TMC5: variants seen among roughly 807,000 people sequenced by gnomAD.
TMC5 encodes the protein transmembrane channel like 5.
In TMC5, 86 loss-of-function variants were observed where a neutral mutation model predicts 110.5. The observed-to-expected ratio is 0.78, with a 90% CI of 0.65 to 0.93. The LOEUF is 0.93. Ranked by LOEUF, TMC5 falls within the 40% of genes least tolerant of loss-of-function variation. The probability of loss-of-function intolerance (pLI) is 0.00; values close to 1 mark genes in which losing one functional copy is unlikely to be tolerated. For synonymous variants in TMC5, 455 were observed against 439.5 expected, an observed-to-expected ratio of 1.04 and a Z score of -0.44; for missense variants, 1,144 against 1,222.8, an observed-to-expected ratio of 0.94 and a Z score of 0.96.
intron 7 of TMC5, 23 bp from the exon 8 acceptor site, chr16:19,463,753 C>A (rs746802362): frequency 1.2e-6 from 2 of 1,609,996 alleles, no homozygotes; most frequent in Non-Finnish European, 1.7e-6. Flanking sequence ...GCAAGCCACA[C>A]CTGCTTTGAA....
chr16:19,486,410 T>C (rs1968742297), intron 15 of TMC5, among the ~76,000 whole-genome samples: 3 of 152,180 alleles, frequency 2.0e-5, no homozygotes, highest in Admixed American at 2.0e-4. Flanking sequence ...GGAGTCTTGC[T>C]CTGTCACCCA....
At chr16:19,487,470 G>C in intron 17 of TMC5, 144 bp downstream of exon 17, 1 of 1,116,754 alleles carries the variant, frequency 9.0e-7, no homozygotes. Flanking sequence ...GGGAGGCCAA[G>C]GCGGGTGGAT....
intron 5 of TMC5, among the ~76,000 whole-genome samples, chr16:19,459,372 G>A (rs1450707240): frequency 1.3e-5 from 2 of 152,188 alleles, no homozygotes; most frequent in Admixed American, 1.3e-4. Context: ...GAGTTAGCAG[G>A]AGAAAAGGAG....
At chr16:19,459,503 C>A (rs542210599) in intron 5 of TMC5, among the ~76,000 whole-genome samples, 28 of 152,122 alleles carry the variant, frequency 1.8e-4, no homozygotes, top group Admixed American at 1.1e-3. Context: ...GAGAGCCAGG[C>A]GTGGTGGCTC....
chr16:19,497,460 G>C (rs1381882061), intron 21 of TMC5, among the ~76,000 whole-genome samples: 1 of 152,188 alleles, frequency 6.6e-6, no homozygotes. Flanking sequence ...TATCTTCTCA[G>C]AGTCAGTCTG....
At chr16:19,426,074 A>G (rs932301674) in intron 1 of TMC5, among the ~76,000 whole-genome samples, 1 of 152,102 alleles carries the variant, frequency 6.6e-6, no homozygotes, top group South Asian at 2.1e-4. Flanking sequence ...CTGATATATA[A>G]GTTGTTTTGT....
intron 4 of TMC5, among the ~76,000 whole-genome samples, chr16:19,446,113 G>GGGAA (rs902412911): frequency 1.0e-4 from 15 of 150,150 alleles, no homozygotes; most frequent in East Asian, 2.0e-4. Context: ...GGGGGAGAGA[G>GGGAA]GGAAGGAAGG....
At chr16:19,416,981 C>T (rs1430713474), upstream of TMC5, among the ~76,000 whole-genome samples, 2 of 149,696 alleles carry the variant, frequency 1.3e-5, no homozygotes, top group Non-Finnish European at 2.9e-5. Flanking sequence ...GTAATCCCAG[C>T]TACTCGGGAG....
At chr16:19,447,402 C>T (rs1485188205) in intron 4 of TMC5, among the ~76,000 whole-genome samples, 6 of 152,112 alleles carry the variant, frequency 3.9e-5, no homozygotes, top group African/African-American at 1.4e-4. Flanking sequence ...ACGACTAAGC[C>T]CAATATCAAT....
chr16:19,469,898 C>CT (rs10570246), intron 10 of TMC5, 73 bp downstream of exon 10: 18,954 of 1,205,824 alleles, frequency 0.016, 147 homozygotes, highest in African/African-American at 0.084. Context: ...TGTAACTTTT[C>CT]TTTTTTTTTT....
At chr16:19,455,175 C>T (rs1373187723) in intron 5 of TMC5, among the ~76,000 whole-genome samples, 2 of 151,454 alleles carry the variant, frequency 1.3e-5, no homozygotes, top group Non-Finnish European at 2.9e-5. Context: ...TTTTTACATG[C>T]GGTGGCTCAT....
At chr16:19,459,232 C>G (rs1203191828) in intron 5 of TMC5, among the ~76,000 whole-genome samples, 1 of 152,108 alleles carries the variant, frequency 6.6e-6, no homozygotes, top group East Asian at 1.9e-4. Context: ...TAGGCTCCAC[C>G]TCAAGGAAGC....
At position 19,447,120 on chromosome 16, in the gene TMC5, A is replaced by G. The variant is rs116605437; in HGVS notation, c.959-2422A>G. On this transcript the variant is annotated intron_variant, in intron 4 of 21. Coordinates refer to ENST00000542583, the MANE Select transcript of TMC5 (RefSeq NM_001261841.2). ...CTCCAAAAATCCAGAGTCGTACAAT[A>G]AACAAGCATTTTCTTCTTACGGGTC... is the stretch of plus-strand genomic sequence containing the variant. Among the ~76,000 whole-genome samples, 700 of 152,322 alleles carry G rather than the reference A, an allele frequency of 4.6e-3. 2 individuals carry two copies. The highest frequency in any genetic ancestry group is 0.016 in the African/African-American group (670 of 41,566).
Position 19,474,207 on chromosome 16 carries a change from T to G in TMC5, c.2021T>G (p.Ile674Ser). The G allele has an allele frequency of 6.2e-7, 1 of 1,614,122 alleles. No individual in the cohort carries two copies. The highest frequency in any genetic ancestry group is 8.5e-7 in the Non-Finnish European group (1 of 1,180,016). ...VSCINLAVPC[I>S]YSMFRLVERY... The stretch of plus-strand genomic sequence containing the variant: ...TGCATTAATCTGGCCGTGCCATGCA[T>G]CTACTCCATGTTCAGGCTTGTGGAG... The change falls in exon 12 of 22, where the codon ATC becomes AGC. Residue 674 changes from isoleucine (I) to serine (S), a missense_variant. By Grantham distance (142) the Ile-to-Ser change is moderately radical. Transcript: ENST00000542583.
chr16:19,497,989 CCAAT>C lies in TMC5; in HGVS notation c.*27_*30del. ...TGATGACTCTTTTGGTAACCAGACACCAATCAAATAAGGGGAGGAGACGAAAATG... is the reference window on the plus strand; with the variant it reads ...TGATGACTCTTTTGGTAACCAGACACCAAATAAGGGGAGGAGACGAAAATG... On this transcript the variant is annotated 3_prime_UTR_variant, in exon 22 of 22. Coordinates refer to ENST00000542583, the MANE Select transcript of TMC5 (RefSeq NM_001261841.2). 6.2e-7 allele frequency: 1 copy of C among 1,609,940 alleles called. No individual in the cohort carries two copies. The highest frequency in any genetic ancestry group is 8.5e-7 in the Non-Finnish European group (1 of 1,176,338).
Position 19,479,465 on chromosome 16 carries a change from G to A in TMC5, c.2204G>A (p.Arg735Gln), listed in dbSNP as rs748385734. The change falls in exon 14 of 22, where the codon CGG (arginine) becomes CAG (glutamine). Residue 735 changes from arginine to glutamine, a missense_variant. Physicochemically the swap from Arg to Gln is conservative, Grantham distance 43. Coordinates refer to ENST00000542583, the MANE Select transcript of TMC5 (RefSeq NM_001261841.2). ...ACCCTCATTGGCCAGGACATCTACC[G>A]GCTCCTTCTGATGGATTTTGTGTTC... ...WETLIGQDIYRLLLMDFVFSL... is the reference protein window; with the variant it reads ...WETLIGQDIYQLLLMDFVFSL... The A allele has an allele frequency of 5.6e-6, 9 of 1,614,006 alleles. No individual in the cohort carries two copies. The highest frequency in any genetic ancestry group is 4.5e-5 in the East Asian group (2 of 44,872).
intron 14 of TMC5, 56 bp from the exon 15 acceptor site, chr16:19,481,314 G>C (rs910892244): frequency 2.1e-5 from 25 of 1,208,646 alleles, no homozygotes; most frequent in Admixed American, 6.7e-5. Context: ...GTCTGTGGGG[G>C]ATCTTCTGAA....
intron 1 of TMC5, among the ~76,000 whole-genome samples, chr16:19,420,650 C>A (rs1966963776): frequency 6.6e-6 from 1 of 152,002 alleles, no homozygotes. Context: ...TTTTGTAGAG[C>A]CAGGGTCTTG....
intron 5 of TMC5, among the ~76,000 whole-genome samples, chr16:19,449,998 C>T (rs1336693016): frequency 6.6e-6 from 1 of 152,172 alleles, no homozygotes; most frequent in Non-Finnish European, 1.5e-5. Flanking sequence ...TGAAAACAGA[C>T]TAATACAGTA....
Sources: gnomAD v4.1 joint callset for allele counts (sites outside exome capture counted in the v4.1 genomes callset) on GRCh38, gnomAD v4.1.1 for gene constraint, MANE v1.5 for transcripts, NCBI Gene and HGNC (gene_info 2026-07-23, HGNC 2026-07-21) for gene names.